The following ARHGAP4 variants were observed in gnomAD, a reference collection of about 807,000 sequenced individuals.
The protein encoded by ARHGAP4 is Rho GTPase activating protein 4.
A neutral mutation model predicts 67.6 loss-of-function variants in ARHGAP4; 25 were observed. That is an observed-to-expected ratio of 0.37 (90% confidence interval 0.27 to 0.52). ARHGAP4 has a LOEUF of 0.52. Ranked by LOEUF, ARHGAP4 falls within the 20% of genes least tolerant of loss-of-function variation. The pLI is 0.92. For missense variants in ARHGAP4, 804 were observed against 854.6 expected, an observed-to-expected ratio of 0.94 and a Z score of 0.74; for synonymous variants, 448 against 373.7, an observed-to-expected ratio of 1.20 and a Z score of -2.29.
rs1445919948 is a variant in ARHGAP4 at position 153,919,614 on chromosome X, C to T, written c.682-331G>A. 13 of 1,165,111 alleles carry T rather than the reference C, an allele frequency of 1.1e-5. No individual in the cohort carries two copies. Among genetic ancestry groups the T allele is most frequent in the African/African-American group, 9.0e-5 (5 of 55,651 alleles). On this transcript the variant is annotated intron_variant, in intron 5 of 21. Transcript: ENST00000350060. ...ATGGCACCCCACCATGGAGGGTGCACGAGAAACCCAGCTTGGAGCCAGCAC... is the reference window on the plus strand; with the variant it reads ...ATGGCACCCCACCATGGAGGGTGCATGAGAAACCCAGCTTGGAGCCAGCAC...
At chrX:153,914,223 C>T (rs371089290) in intron 7 of ARHGAP4, 15 of 246,540 alleles carry the variant, frequency 6.1e-5, no homozygotes, top group African/African-American at 3.6e-4. Flanking sequence ...AGAGTGGGTG[C>T]CAGCTGGAGC....
At chrX:153,915,051 G>A (rs1487471410) in intron 7 of ARHGAP4, among the ~76,000 whole-genome samples, 1 of 112,403 alleles carries the variant, frequency 8.9e-6, no homozygotes, top group Non-Finnish European at 1.9e-5. Flanking sequence ...TCACAGAGTA[G>A]AAAGTAAGGC....
Position 153,907,569 on chromosome X carries a change from G to A in ARHGAP4, c.*160C>T, listed in dbSNP as rs782006587. 30 of 374,008 alleles carry A rather than the reference G, an allele frequency of 8.0e-5. No individual in the cohort carries two copies. Among genetic ancestry groups the A allele is most frequent in the East Asian group, 1.7e-4 (4 of 24,042 alleles). The allele number at this position is 374,008 out of a possible 1,213,427, so 30.8% of individuals were successfully genotyped here. A position where few individuals can be genotyped will look rare whatever the true frequency, so the allele number is the denominator to read the frequency against. On this transcript the variant is annotated 3_prime_UTR_variant, in exon 22 of 22. Transcript: ENST00000350060. ...CTGAGGGGCAGGCAGGATGTGGAGC[G>A]GGCATCCCTGTGTGCACGGCCCCAT... is the stretch of plus-strand genomic sequence containing the variant.
intron 5 of ARHGAP4, 109 bp from the exon 6 acceptor site, chrX:153,919,392 T>C: frequency 8.5e-7 from 1 of 1,177,297 alleles, no homozygotes; most frequent in Non-Finnish European, 1.1e-6. Flanking sequence ...CAACTACACC[T>C]GAACTGGTCA....
Position 153,912,792 on chromosome X carries a change from T to G in ARHGAP4, c.1450A>C (p.Thr484Pro). The G allele has an allele frequency of 8.3e-7, 1 of 1,209,215 alleles. No individual in the cohort carries two copies. Among genetic ancestry groups the G allele is most frequent in the Non-Finnish European group, 1.1e-6 (1 of 893,489 alleles). The change falls in exon 12 of 22, where the codon ACA becomes CCA. Residue 484 changes from threonine to proline, a missense_variant. Transcript: ENST00000350060. Reference sequence around the variant, plus strand: ...CGGCTCTTCTGGAATTTTCTCTGTGTGTACTGGGTCCTGCAGTGAATGGGA... The same window carrying G: ...CGGCTCTTCTGGAATTTTCTCTGTGGGTACTGGGTCCTGCAGTGAATGGGA... ...EEQEVSWTQYTQRKFQKSRQP... is the reference protein window; with the variant it reads ...EEQEVSWTQYPQRKFQKSRQP...
At chrX:153,909,410 G>C in intron 20 of ARHGAP4, 33 bp downstream of exon 20, 1 of 1,041,598 alleles carries the variant, frequency 9.6e-7, no homozygotes, top group Non-Finnish European at 1.2e-6. Flanking sequence ...AACAGCACAC[G>C]TGTGGCCCCC....
At chrX:153,914,322 G>C (rs1557103945) in intron 7 of ARHGAP4, 1 of 152,582 alleles carries the variant, frequency 6.6e-6, no homozygotes, top group Admixed American at 7.4e-5. Context: ...CATGGTGATG[G>C]CTGCACAACC....
intron 1 of ARHGAP4, among the ~76,000 whole-genome samples, chrX:153,922,802 G>A (rs1327183443): frequency 8.9e-6 from 1 of 111,946 alleles, no homozygotes; most frequent in African/African-American, 3.2e-5. Context: ...TGGCAGGCAC[G>A]TTTTAAATAC....
intron 5 of ARHGAP4, chrX:153,919,539 G>C: frequency 4.4e-6 from 5 of 1,142,531 alleles, no homozygotes; most frequent in Non-Finnish European, 4.7e-6. Context: ...ACAGAAGTGG[G>C]GGATGACACA....
Position 153,909,937 on chromosome X carries a change from G to C in ARHGAP4, c.2231-13C>G. The C allele has an allele frequency of 8.3e-7, 1 of 1,208,563 alleles. No individual in the cohort carries two copies. The highest frequency in any genetic ancestry group is 3.0e-5 in the East Asian group (1 of 33,765). On this transcript the variant is annotated splice_polypyrimidine_tract_variant and intron_variant, in intron 18 of 21. Transcript: ENST00000350060. ...ACCCCCTCCAGGTCTGGGGAGGAGA[G>C]GGGGTCCAAGCTGTGGGAGGGGGTG...
rs556018358 is a variant in ARHGAP4, at chrX:153,918,628, T to C, written c.1032+204A>G. Among the ~76,000 whole-genome samples the C allele has an allele frequency of 6.2e-5, 7 of 112,789 alleles. No homozygotes were observed. In the South Asian group the frequency reaches 2.5e-3, roughly 41 times the overall value. On this transcript the variant is annotated intron_variant, in intron 7 of 21. Transcript: ENST00000350060. The stretch of plus-strand genomic sequence containing the variant: ...CTGCCTGCTGCACGGTTTGAACAGT[T>C]AGTGTCTTGCCCTCCTTGGCCATTG...
chrX:153,922,152 C>T, intron 1 of ARHGAP4: 4 of 921,997 alleles, frequency 4.3e-6, no homozygotes, highest in Non-Finnish European at 5.4e-6. Flanking sequence ...GTCTCTCCCT[C>T]GTTCCTGGAA....
Position 153,921,102 on chromosome X carries a change from G to A in ARHGAP4, c.493C>T (p.Gln165Ter). Residue 165 changes from glutamine to a stop codon, truncating the protein, a stop_gained, in exon 4 of 22, where the codon CAG becomes TAG. Transcript: ENST00000350060. LOFTEE classifies it high-confidence loss of function. Reference sequence around the variant, plus strand: ...CTCCCCAGCCCTTTCCTCACCGTCTGGAGCTCTGAGACCACCTCCAGGAGC... The same window carrying A: ...CTCCCCAGCCCTTTCCTCACCGTCTAGAGCTCTGAGACCACCTCCAGGAGC... ...DELLEVVSELQTAKKTYQAYH... is the reference protein window; with the variant it reads ...DELLEVVSEL 1 of 1,203,154 alleles carries A rather than the reference G, an allele frequency of 8.3e-7. No homozygotes were observed. The highest frequency in any genetic ancestry group is 1.1e-6 in the Non-Finnish European group (1 of 890,699).
In ARHGAP4 at chrX:153,907,708, C is replaced by T. The variant is rs782702670; in HGVS notation, c.*21G>A. 2.3e-5 allele frequency: 20 copies of T among 886,712 alleles called. No homozygotes were observed. The highest frequency in any genetic ancestry group is 1.9e-4 in the Admixed American group (5 of 26,161). 73.1% of individuals were successfully genotyped at this position (886,712 alleles called of 1,213,427 possible). Reference sequence around the variant, plus strand: ...GTCCAGCGGGTAGCCGCCGGGGGCACGCATCTCCAGCAGCGGCACCTCAGT... The same window carrying T: ...GTCCAGCGGGTAGCCGCCGGGGGCATGCATCTCCAGCAGCGGCACCTCAGT... On this transcript the variant is annotated 3_prime_UTR_variant, in exon 22 of 22. Transcript: ENST00000350060.
intron 21 of ARHGAP4, among the ~76,000 whole-genome samples, chrX:153,908,728 C>A (rs2064992318): frequency 9.0e-6 from 1 of 111,719 alleles, no homozygotes; most frequent in South Asian, 3.7e-4. Flanking sequence ...TTGAATCTGC[C>A]CTGGAGTCCC....
intron 21 of ARHGAP4, among the ~76,000 whole-genome samples, chrX:153,908,631 C>A (rs1361189636): frequency 9.2e-6 from 1 of 109,056 alleles, no homozygotes; most frequent in Non-Finnish European, 1.9e-5. Flanking sequence ...TCCTGCCTCC[C>A]TGCCATCTGT....
At position 153,907,853 on chromosome X, in the gene ARHGAP4, C is replaced by T; in HGVS notation, c.2717G>A (p.Ser906Asn). 1 of 1,018,055 alleles carries T rather than the reference C, an allele frequency of 9.8e-7. No individual in the cohort carries two copies. Among genetic ancestry groups the T allele is most frequent in the South Asian group, 3.9e-5 (1 of 25,681 alleles). The allele number at this position is 1,018,055 out of a possible 1,213,427, so 83.9% of individuals were successfully genotyped here. Reference sequence around the variant, plus strand: ...GCGGCTGCTGGGCGGGGCCTTTGGGCTTCGGGGCCCAGGACTGGGAGAGGT... The same window carrying T: ...GCGGCTGCTGGGCGGGGCCTTTGGGTTTCGGGGCCCAGGACTGGGAGAGGT... ...STTSPSPGPR[S>N]PKAPPSSRLG... Residue 906 changes from serine (S) to asparagine (N), a missense_variant, in exon 22 of 22, where the codon AGC becomes AAC. Physicochemically the swap from Ser to Asn is conservative, Grantham distance 46 (BLOSUM62 1). Coordinates refer to ENST00000350060, the MANE Select transcript of ARHGAP4 (RefSeq NM_001666.5).
rs202218244 is a variant in ARHGAP4 at position 153,918,883 on chromosome X, G to T, written c.981C>A (p.Thr327=). The T allele has an allele frequency of 8.2e-7, 1 of 1,212,201 alleles. No homozygotes were observed. The highest frequency in any genetic ancestry group is 1.8e-5 in the South Asian group (1 of 57,011). Residue 327 remains threonine (T), a synonymous_variant, in exon 7 of 22, where the codon ACC becomes ACA. Coordinates refer to ENST00000350060, the MANE Select transcript of ARHGAP4 (RefSeq NM_001666.5). ...CAAAGCGCAGCGGGGGACAGAAGAC[G>T]GTAGCATGCACCTCGAGAACCTTGG... ...DKAKVLEVHA[T]VFCPPLRFDY... is the part of the protein sequence containing the mutation.
chrX:153,922,842 C>T (rs982193979), intron 1 of ARHGAP4, among the ~76,000 whole-genome samples: 5 of 111,830 alleles, frequency 4.5e-5, no homozygotes, highest in Admixed American at 1.9e-4. Context: ...CAAGTGTCTG[C>T]CCTCTTGGAG....
Sources: gnomAD v4.1 joint callset for allele counts (sites outside exome capture counted in the v4.1 genomes callset) on GRCh38, gnomAD v4.1.1 for gene constraint, MANE v1.5 for transcripts, NCBI Gene and HGNC (gene_info 2026-07-23, HGNC 2026-07-21) for gene names.